Variants in BRMS1 observed in about 807,000 individuals in gnomAD.
BRMS1 encodes BRMS1 transcriptional repressor and anoikis regulator.
A neutral mutation model predicts 40.4 loss-of-function variants in BRMS1; 26 were observed. The observed-to-expected ratio is 0.64, with a 90% CI of 0.47 to 0.89. The LOEUF (loss-of-function observed/expected upper bound fraction) is 0.89. Ranked by LOEUF, BRMS1 falls within the 40% of genes least tolerant of loss-of-function variation. BRMS1 has a pLI of 0.00. For synonymous variants in BRMS1, 103 were observed against 116.0 expected, an observed-to-expected ratio of 0.89 and a Z score of 0.72; for missense variants, 289 against 309.4, an observed-to-expected ratio of 0.93 and a Z score of 0.49.
In BRMS1 at chr11:66,340,761, C is replaced by T. The variant is rs199827924; in HGVS notation, c.535+13G>A. The stretch of plus-strand genomic sequence containing the variant: ...GGGGCCCAGTTCCGGGGTGCCCAGG[C>T]TCTCGCGCTTACCAGAGCTGAGGTC... On this transcript the variant is annotated intron_variant, in intron 6 of 9. Coordinates refer to ENST00000359957, the MANE Select transcript of BRMS1 (RefSeq NM_015399.4). 1.9e-6 allele frequency: 3 copies of T among 1,606,110 alleles called. No homozygotes were observed. Among genetic ancestry groups the T allele is most frequent in the Admixed American group, 3.3e-5 (2 of 59,788 alleles).
intron 8 of BRMS1, 158 bp from the exon 9 acceptor site, chr11:66,338,440 G>A (rs1347293873): frequency 2.1e-5 from 32 of 1,512,230 alleles, no homozygotes; most frequent in Non-Finnish European, 4.4e-6. Flanking sequence ...CCATGCTCCT[G>A]ACTGCTGGCC....
chr11:66,339,980 T>C, intron 7 of BRMS1, 141 bp downstream of exon 7: 1 of 644,812 alleles, frequency 1.6e-6, no homozygotes, highest in Admixed American at 2.5e-5. Flanking sequence ...TGGATTTGCC[T>C]GGACATATTC....
chr11:66,342,201 C>T lies in BRMS1; in HGVS notation c.34G>A (p.Glu12Lys), dbSNP rs367827792. 4.3e-6 allele frequency: 7 copies of T among 1,613,690 alleles called. No individual in the cohort carries two copies. Among genetic ancestry groups the T allele is most frequent in the Non-Finnish European group, 5.9e-6 (7 of 1,180,010 alleles). ...GCAGAATCACCCTCTGCTTCCATCT[C>T]TTCTGTGTCTTTGCTTGGAGGCTGG... ...PVQPPSKDTE[E>K]MEAEGDSAAE... is the part of the protein sequence containing the mutation. Residue 12 changes from glutamate to lysine, a missense_variant, in exon 2 of 10, where the codon GAG becomes AAG. Physicochemically the swap from Glu to Lys is moderately conservative, Grantham distance 56. Coordinates refer to ENST00000359957, the MANE Select transcript of BRMS1 (RefSeq NM_015399.4).
Position 66,338,700 on chromosome 11 carries a change from G to A in BRMS1, c.693+21C>T, listed in dbSNP as rs202104439. 10 of 1,612,014 alleles carry A rather than the reference G, an allele frequency of 6.2e-6. No individual in the cohort carries two copies. The Admixed American group carries it at 8.4e-5, about 13-fold the overall frequency. On this transcript the variant is annotated intron_variant, in intron 8 of 9. Coordinates refer to ENST00000359957, the MANE Select transcript of BRMS1 (RefSeq NM_015399.4). The stretch of plus-strand genomic sequence containing the variant: ...GGGGCCCTGAGGTGGGGCAGGTCAC[G>A]TGGGCAGCAGCGGCCCCCACCTTTT...
chr11:66,340,707 G>T (rs1190624119), intron 6 of BRMS1, 67 bp downstream of exon 6: 3 of 1,369,102 alleles, frequency 2.2e-6, no homozygotes, highest in African/African-American at 2.9e-5. Context: ...GACATCTGAA[G>T]CCCAAAGAGG....
At chr11:66,339,610 T>C (rs1253251306) in intron 7 of BRMS1, among the ~76,000 whole-genome samples, 1 of 152,124 alleles carries the variant, frequency 6.6e-6, no homozygotes, top group Non-Finnish European at 1.5e-5. Context: ...CCCCGGGAGA[T>C]GGAAAGGCCT....
intron 7 of BRMS1, 181 bp downstream of exon 7, chr11:66,339,940 C>T: frequency 3.5e-6 from 2 of 578,136 alleles, no homozygotes; most frequent in South Asian, 2.1e-5. Flanking sequence ...CCCAGAGAGA[C>T]CCAGGACCCC....
rs1168530884 is a variant in BRMS1, at chr11:66,342,085, T to C, written c.139+11A>G. 6.2e-7 allele frequency: 1 copy of C among 1,611,704 alleles called. No homozygotes were observed. Among genetic ancestry groups the C allele is most frequent in the Non-Finnish European group, 8.5e-7 (1 of 1,179,704 alleles). ...GTGTGTGTGTGTGTGTCTGTGTGTG[T>C]AGGGGCTCACCGGAGCTCTCCTCTT... On this transcript the variant is annotated intron_variant, in intron 2 of 9. Transcript: ENST00000359957.
At position 66,339,766 on chromosome 11, in the gene BRMS1, TTTG is replaced by T. The variant is rs533552583; in HGVS notation, c.628+352_628+354del. 31 of 203,378 alleles carry T rather than the reference TTTG, an allele frequency of 1.5e-4. 1 individual carries two copies. Among genetic ancestry groups the T allele is most frequent in the Middle Eastern group, 3.9e-3 (2 of 514 alleles). The allele number at this position is 203,378 out of a possible 1,614,324, so 12.6% of individuals were successfully genotyped here. A position where few individuals can be genotyped will look rare whatever the true frequency, so the allele number is the denominator to read the frequency against. On this transcript the variant is annotated intron_variant, in intron 7 of 9. Transcript: ENST00000359957. The stretch of plus-strand genomic sequence containing the variant: ...TGCACACCACCACGCCTGGCTAATT[TTTG>T]TTATTTTTTCTAGAGATGGGTTTCA...
At position 66,341,060 on chromosome 11, in the gene BRMS1, G is replaced by A. The variant is rs375859901; in HGVS notation, c.359-14C>T. The A allele has an allele frequency of 1.2e-5, 20 of 1,613,546 alleles. No individual in the cohort carries two copies. Among genetic ancestry groups the A allele is most frequent in the African/African-American group, 5.3e-5 (4 of 74,926 alleles). On this transcript the variant is annotated splice_polypyrimidine_tract_variant and intron_variant, in intron 4 of 9. Transcript: ENST00000359957. This position sits in a 1 kb window ranked among gnomAD's most constrained non-coding sequence, Gnocchi z 4.9. ...CCTTGTAGATCCCTGCAGAGAAAGG[G>A]AGGAGGGTCCCTGCTTGGCTGGGGA...
rs369100703 is a variant in BRMS1 at position 66,340,948 on chromosome 11, T to G, written c.438+19A>C. The G allele has an allele frequency of 6.2e-7, 1 of 1,614,018 alleles. No individual in the cohort carries two copies. Among genetic ancestry groups the G allele is most frequent in the African/African-American group, 1.3e-5 (1 of 75,062 alleles). On this transcript the variant is annotated intron_variant, in intron 5 of 9. Transcript: ENST00000359957. ...GCTTTGTGCCCTGCCTCACCCCCAGTGTGCCCAATCAGGCCCACCTCCAGG... is the reference window on the plus strand; with the variant it reads ...GCTTTGTGCCCTGCCTCACCCCCAGGGTGCCCAATCAGGCCCACCTCCAGG...
At position 66,341,673 on chromosome 11, in the gene BRMS1, C is replaced by T. The variant is rs1489898724; in HGVS notation, c.140-50G>A. 8 of 1,510,592 alleles carry T rather than the reference C, an allele frequency of 5.3e-6. No homozygotes were observed. The highest frequency in any genetic ancestry group is 6.4e-6 in the Non-Finnish European group (7 of 1,086,884). 93.6% of individuals were successfully genotyped at this position (1,510,592 alleles called of 1,614,324 possible). On this transcript the variant is annotated intron_variant, in intron 2 of 9. Transcript: ENST00000359957. The surrounding 1 kb of genome is among the most constrained non-coding windows in gnomAD (Gnocchi z 4.9). ...TAGCTCTGGGGAGGAGTGGTGGGTACCCGCATGTGTGCATGTGCGTCCTGC... is the reference window on the plus strand; with the variant it reads ...TAGCTCTGGGGAGGAGTGGTGGGTATCCGCATGTGTGCATGTGCGTCCTGC...
At position 66,341,080 on chromosome 11, in the gene BRMS1, TG is replaced by T; in HGVS notation, c.359-35del. On this transcript the variant is annotated intron_variant, in intron 4 of 9. Transcript: ENST00000359957. This position sits in a 1 kb window ranked among gnomAD's most constrained non-coding sequence, Gnocchi z 4.9. Reference sequence around the variant, plus strand: ...AAAGGGAGGAGGGTCCCTGCTTGGCTGGGGAGCCCGGTGCCCACATAGGAGG... The same window carrying T: ...AAAGGGAGGAGGGTCCCTGCTTGGCTGGGAGCCCGGTGCCCACATAGGAGG... 1 of 1,612,718 alleles carries T rather than the reference TG, an allele frequency of 6.2e-7. No individual in the cohort carries two copies.
Position 66,338,288 on chromosome 11 carries a change from T to G in BRMS1, c.694-6A>C, listed in dbSNP as rs1854978834. ...GGGGACACAGCTGCCCTAGCCTGGG[T>G]GGGTGAGAAGAAAAGCTCCCCTGAG... is the stretch of plus-strand genomic sequence containing the variant. On this transcript the variant is annotated splice_polypyrimidine_tract_variant and splice_region_variant and intron_variant, in intron 8 of 9. Transcript: ENST00000359957. 6.2e-7 allele frequency: 1 copy of G among 1,608,258 alleles called. No homozygotes were observed. Among genetic ancestry groups the G allele is most frequent in the Non-Finnish European group, 8.5e-7 (1 of 1,177,086 alleles).
At chr11:66,342,359 CT>C (rs1489135357) in intron 1 of BRMS1, 118 bp from the exon 2 acceptor site, 16 of 1,306,672 alleles carry the variant, frequency 1.2e-5, no homozygotes, top group African/African-American at 7.3e-5. Flanking sequence ...AGTAACTGGC[CT>C]GGCCACACCT....
chr11:66,342,033 G>A lies in BRMS1; in HGVS notation c.139+63C>T, dbSNP rs79923111. On this transcript the variant is annotated intron_variant, in intron 2 of 9. Coordinates refer to ENST00000359957, the MANE Select transcript of BRMS1 (RefSeq NM_015399.4). Reference sequence around the variant, plus strand: ...ATGCTTGTGTGTAGGGGCTGTGTGTGTGCATGTGTGTGTGTAGGGGCTCTG... The same window carrying A: ...ATGCTTGTGTGTAGGGGCTGTGTGTATGCATGTGTGTGTGTAGGGGCTCTG... The A allele has an allele frequency of 7.7e-4, 1,180 of 1,534,302 alleles. 11 individuals are homozygous for A. In the African/African-American group the frequency reaches 0.015, roughly 19 times the overall value.
chr11:66,338,531 C>G, intron 8 of BRMS1, 190 bp downstream of exon 8: 1 of 1,532,038 alleles, frequency 6.5e-7, no homozygotes, highest in Non-Finnish European at 8.7e-7. Context: ...CTGACACAGA[C>G]TAGAAATCCC....
intron 7 of BRMS1, 125 bp from the exon 8 acceptor site, chr11:66,338,910 G>C (rs1350026509): frequency 1.0e-6 from 1 of 992,936 alleles, no homozygotes; most frequent in Non-Finnish European, 1.5e-6. Context: ...CTGGGTCCGA[G>C]GTCAGGTTCC....
At chr11:66,343,243 T>C (rs1855125333) in intron 1 of BRMS1, among the ~76,000 whole-genome samples, 1 of 152,264 alleles carries the variant, frequency 6.6e-6, no homozygotes, top group Non-Finnish European at 1.5e-5. Flanking sequence ...CATTAACCAA[T>C]GACTTCCTTG....
Sources: gnomAD v4.1 joint callset for allele counts (sites outside exome capture counted in the v4.1 genomes callset) on GRCh38, gnomAD v4.1.1 for gene constraint, Gnocchi (gnomAD v3.1) non-coding constraint, MANE v1.5 for transcripts, NCBI Gene and HGNC (gene_info 2026-07-23, HGNC 2026-07-21) for gene names.